Variants in MFHAS1 observed in about 807,000 individuals in gnomAD.
MFHAS1 encodes multifunctional ROCO family signaling regulator 1.
In MFHAS1, 50 loss-of-function variants were observed where a neutral mutation model predicts 70.4. The observed-to-expected ratio is 0.71, with a 90% CI of 0.57 to 0.90. MFHAS1 has a LOEUF of 0.90. MFHAS1 is among the 40% of genes least tolerant of loss of function. The pLI is 0.00. For missense variants in MFHAS1, 1,795 were observed against 1,347.6 expected, an observed-to-expected ratio of 1.33 and a Z score of -5.20; for synonymous variants, 952 against 620.0, an observed-to-expected ratio of 1.54 and a Z score of -7.96.
intron 1 of MFHAS1, among the ~76,000 whole-genome samples, chr8:8,810,893 T>C (rs558523455): frequency 3.2e-4 from 49 of 151,528 alleles, no homozygotes; most frequent in Non-Finnish European, 6.3e-4. Flanking sequence ...GGAGAAGGAG[T>C]GAAGGTTGGG....
chr8:8,832,437 A>T (rs1184363384), intron 1 of MFHAS1, among the ~76,000 whole-genome samples: 1 of 150,976 alleles, frequency 6.6e-6, no homozygotes, highest in Non-Finnish European at 1.5e-5. Context: ...ACACACACAC[A>T]CACACACACA....
intron 1 of MFHAS1, among the ~76,000 whole-genome samples, chr8:8,880,167 A>C (rs1809460305): frequency 6.6e-6 from 1 of 152,198 alleles, no homozygotes; most frequent in Non-Finnish European, 1.5e-5. Flanking sequence ...TCTCCAATCA[A>C]CATGGCATCT....
chr8:8,891,145 A>C lies in MFHAS1; in HGVS notation c.1914T>G (p.Leu638=). 1 of 1,613,642 alleles carries C rather than the reference A, an allele frequency of 6.2e-7. No homozygotes were observed. The highest frequency in any genetic ancestry group is 8.5e-7 in the Non-Finnish European group (1 of 1,180,024). Residue 638 remains leucine, a synonymous_variant, in exon 1 of 3, where the codon CTT becomes CTG. Coordinates refer to ENST00000276282, the MANE Select transcript of MFHAS1 (RefSeq NM_004225.3). The surrounding 1 kb of genome is among the most constrained non-coding windows in gnomAD (Gnocchi z 5.4). The part of the protein sequence containing the change: ...SCRDPRHLRR[L]RDKLLSVAEH... The stretch of plus-strand genomic sequence containing the variant: ...CAGCAACTGACAGCAACTTGTCCCG[A>C]AGGCGTCGTAAGTGGCGCGGGTCCC...
At position 8,840,186 on chromosome 8, in the gene MFHAS1, G is replaced by C. The variant is rs182420265; in HGVS notation, c.2999-42695C>G. Among the ~76,000 whole-genome samples, 174 of 152,340 alleles carry C rather than the reference G, an allele frequency of 1.1e-3. 1 individual carries two copies. Among genetic ancestry groups the C allele is most frequent in the Non-Finnish European group, 1.5e-4 (10 of 68,020 alleles). ...AAATGCTCATTACTGGCCGGGCACA[G>C]TGACTCACGCCTGTAATCTCAGCAC... On this transcript the variant is annotated intron_variant, in intron 1 of 2. Coordinates refer to ENST00000276282, the MANE Select transcript of MFHAS1 (RefSeq NM_004225.3).
At position 8,806,191 on chromosome 8, in the gene MFHAS1, G is replaced by A. The variant is rs768826077; in HGVS notation, c.2999-8700C>T. On this transcript the variant is annotated intron_variant, in intron 1 of 2. Coordinates refer to ENST00000276282, the MANE Select transcript of MFHAS1 (RefSeq NM_004225.3). ...TCCAAGCCACTCTTCCTCACGGGAC[G>A]CCCACCTGCTGCAAAAGCGTCAGAG... 1.4e-4 allele frequency among the ~76,000 whole-genome samples: 22 copies of A among 152,164 alleles called. 1 individual carries two copies. Among genetic ancestry groups the A allele is most frequent in the South Asian group, 4.2e-4 (2 of 4,806 alleles).
At chr8:8,800,474 G>A (rs1049234244) in intron 1 of MFHAS1, among the ~76,000 whole-genome samples, 3 of 152,194 alleles carry the variant, frequency 2.0e-5, no homozygotes, top group Non-Finnish European at 2.9e-5. Context: ...CAACTAGTAA[G>A]TCAGAAGCCC....
chr8:8,805,574 G>C (rs905664570), intron 1 of MFHAS1, among the ~76,000 whole-genome samples: 1 of 152,218 alleles, frequency 6.6e-6, no homozygotes, highest in African/African-American at 2.4e-5. Context: ...GGTTGTCTCA[G>C]GGGTGGCAGA....
At chr8:8,832,627 C>CTT (rs137896964) in intron 1 of MFHAS1, among the ~76,000 whole-genome samples, 78,589 of 121,720 alleles carry the variant, frequency 0.65, 27,921 homozygotes, top group Non-Finnish European at 0.78. Flanking sequence ...GAATTTTTTT[C>CTT]TTTTTTTTTT....
rs1807722817 is a variant in MFHAS1, at chr8:8,839,480, T to G, written c.2999-41989A>C. 2.0e-5 allele frequency among the ~76,000 whole-genome samples: 3 copies of G among 152,060 alleles called. No individual in the cohort carries two copies. The South Asian group carries it at 6.2e-4, about 31-fold the overall frequency. On this transcript the variant is annotated intron_variant, in intron 1 of 2. Coordinates refer to ENST00000276282, the MANE Select transcript of MFHAS1 (RefSeq NM_004225.3). ...CACAGAAAGAACACTAGGCTGGAAA[T>G]GAGATATCCTAGTTCTGGTCCCAAA... is the stretch of plus-strand genomic sequence containing the variant.
At chr8:8,801,775 C>T (rs1450137026) in intron 1 of MFHAS1, among the ~76,000 whole-genome samples, 3 of 152,174 alleles carry the variant, frequency 2.0e-5, no homozygotes, top group Admixed American at 2.0e-4. Flanking sequence ...AGGGCACAGC[C>T]TCCACCATGG....
At chr8:8,857,078 T>A (rs1007136841) in intron 1 of MFHAS1, among the ~76,000 whole-genome samples, 1 of 149,054 alleles carries the variant, frequency 6.7e-6, no homozygotes, top group Non-Finnish European at 1.5e-5. Flanking sequence ...GAAAACATCC[T>A]AGAGAGGCAC....
At chr8:8,796,450 A>G (rs1805896973) in intron 2 of MFHAS1, among the ~76,000 whole-genome samples, 1 of 152,216 alleles carries the variant, frequency 6.6e-6, no homozygotes, top group Non-Finnish European at 1.5e-5. Flanking sequence ...TTGGGAGGCC[A>G]AGACGGGCGG....
chr8:8,892,296 G>C lies in MFHAS1; in HGVS notation c.763C>G (p.Leu255Val). Residue 255 changes from leucine (L) to valine (V), a missense_variant, in exon 1 of 3, where the codon CTC becomes GTC. Physicochemically the swap from Leu to Val is conservative, Grantham distance 32. Transcript: ENST00000276282. The surrounding 1 kb of genome is among the most constrained non-coding windows in gnomAD (Gnocchi z 4.7). ...GFCELASLES[L>V]MLDNNGLQAL... is the part of the protein sequence containing the mutation. Reference sequence around the variant, plus strand: ...TGCAGCCCGTTGTTGTCTAGCATGAGGCTCTCCAAACTGGCCAGCTCGCAG... The same window carrying C: ...TGCAGCCCGTTGTTGTCTAGCATGACGCTCTCCAAACTGGCCAGCTCGCAG... 6.2e-7 allele frequency: 1 copy of C among 1,612,650 alleles called. No individual in the cohort carries two copies. The highest frequency in any genetic ancestry group is 8.5e-7 in the Non-Finnish European group (1 of 1,180,020).
intron 1 of MFHAS1, among the ~76,000 whole-genome samples, chr8:8,853,434 C>T (rs906557143): frequency 1.5e-4 from 22 of 145,122 alleles, no homozygotes; most frequent in African/African-American, 5.7e-4. Context: ...GTTAGTTAAC[C>T]TGGACAATCG....
chr8:8,845,159 G>A (rs765247797), intron 1 of MFHAS1, among the ~76,000 whole-genome samples: 1 of 152,172 alleles, frequency 6.6e-6, no homozygotes, highest in Non-Finnish European at 1.5e-5. Flanking sequence ...ATAAAATCAA[G>A]TGGATTTTTT....
chr8:8,816,841 C>A (rs189061833), intron 1 of MFHAS1, among the ~76,000 whole-genome samples: 2 of 152,180 alleles, frequency 1.3e-5, no homozygotes, highest in Non-Finnish European at 2.9e-5. Flanking sequence ...CATGTAAGAG[C>A]TGACATTTAG....
rs1585080591 is a variant in MFHAS1 at position 8,892,992 on chromosome 8, T to G, written c.67A>C (p.Arg23=). ...TGGCGCAGGTTGCTCCGCAGCTTCC[T>G]GGCACGCAGGGCGGCGTCCCGCCAC... ...RLWRDAALRA[R]KLRSNLRQLT... is the part of the protein sequence containing the mutation. Residue 23 remains arginine, a synonymous_variant, in exon 1 of 3, where the codon AGG becomes CGG. Transcript: ENST00000276282. This position sits in a 1 kb window ranked among gnomAD's most constrained non-coding sequence, Gnocchi z 4.7. The G allele has an allele frequency of 6.5e-7, 1 of 1,533,278 alleles. No homozygotes were observed. The highest frequency in any genetic ancestry group is 8.8e-7 in the Non-Finnish European group (1 of 1,142,424). The allele number at this position is 1,533,278 out of a possible 1,614,324, so 95.0% of individuals were successfully genotyped here. A position where few individuals can be genotyped will look rare whatever the true frequency, so the allele number is the denominator to read the frequency against.
intron 1 of MFHAS1, among the ~76,000 whole-genome samples, chr8:8,812,585 C>T (rs28609361): frequency 0.21 from 31,992 of 152,092 alleles, 5,530 homozygotes; most frequent in African/African-American, 0.48. Context: ...ATCATTACTT[C>T]TTATATTTGA....
intron 1 of MFHAS1, among the ~76,000 whole-genome samples, chr8:8,840,728 G>A (rs549930799): frequency 5.7e-4 from 87 of 152,234 alleles, no homozygotes; most frequent in Middle Eastern, 3.4e-3. Context: ...TAGAATCCCT[G>A]TCCCCCTAAA....
Sources: allele counts gnomAD v4.1 joint callset (sites outside exome capture counted in the v4.1 genomes callset), GRCh38; gene constraint gnomAD v4.1.1; non-coding constraint Gnocchi (gnomAD v3.1); transcripts MANE v1.5; gene names NCBI Gene and HGNC (gene_info 2026-07-23, HGNC 2026-07-21).